The following COP1 variants were observed in gnomAD, a reference collection of about 807,000 sequenced individuals.
COP1 encodes E3 ubiquitin-protein ligase COP1.
COP1 carries 24 observed loss-of-function variants against 101.3 expected under a neutral mutation model. The observed-to-expected ratio is 0.24, with a 90% CI of 0.17 to 0.33. The LOEUF is 0.33. Ranked by LOEUF, COP1 falls within the 10% of genes least tolerant of loss-of-function variation. The pLI is 1.00. For missense variants in COP1, 663 were observed against 906.2 expected, an observed-to-expected ratio of 0.73 and a Z score of 3.45; for synonymous variants, 347 against 341.9, an observed-to-expected ratio of 1.01 and a Z score of -0.17.
intron 15 of COP1, among the ~76,000 whole-genome samples, chr1:175,991,973 A>G (rs1396505979): frequency 6.6e-6 from 1 of 152,236 alleles, no homozygotes; most frequent in Non-Finnish European, 1.5e-5. Flanking sequence ...AGTACAGTCT[A>G]TAATAATGGT....
chr1:175,981,245 G>A (rs1655783484), intron 18 of COP1, among the ~76,000 whole-genome samples: 1 of 152,208 alleles, frequency 6.6e-6, no homozygotes, highest in African/African-American at 2.4e-5. Context: ...TTCACTGGAT[G>A]TAGAATTCAT....
rs1648993894 is a variant in COP1 at position 175,945,142 on chromosome 1, G to C, written c.*11C>G. On this transcript the variant is annotated 3_prime_UTR_variant, in exon 20 of 20. Coordinates refer to ENST00000367669, the MANE Select transcript of COP1 (RefSeq NM_022457.7). ...AGCAGGATCAAGTACAATTTGACTT[G>C]AGTTAACCCTTCATACCAATTCTAG... The C allele has an allele frequency of 1.3e-6, 2 of 1,574,440 alleles. No homozygotes were observed. The highest frequency in any genetic ancestry group is 3.5e-5 in the Admixed American group (2 of 57,460).
intron 1 of COP1, among the ~76,000 whole-genome samples, chr1:176,192,235 C>A (rs1445781460): frequency 2.6e-5 from 4 of 152,110 alleles, no homozygotes; most frequent in African/African-American, 4.8e-5. Flanking sequence ...AAGGCTCCTG[C>A]CCAAACACAG....
intron 1 of COP1, among the ~76,000 whole-genome samples, chr1:176,201,106 T>C (rs1421199552): frequency 6.6e-6 from 1 of 152,122 alleles, no homozygotes; most frequent in Non-Finnish European, 1.5e-5. Context: ...GAGGAAATGC[T>C]CACTGGAGCA....
chr1:175,957,131 T>A (rs2148516519), intron 18 of COP1, among the ~76,000 whole-genome samples: 1 of 151,810 alleles, frequency 6.6e-6, no homozygotes, highest in African/African-American at 2.4e-5. Context: ...GTTAATTTAT[T>A]ATTGAAGAAA....
intron 14 of COP1, among the ~76,000 whole-genome samples, chr1:176,039,068 T>C (rs555818960): frequency 1.3e-5 from 2 of 152,248 alleles, no homozygotes; most frequent in African/African-American, 4.8e-5. Flanking sequence ...CACACCACAT[T>C]CTGGGGCCAT....
chr1:176,164,098 A>G lies in COP1; in HGVS notation c.566-207T>C, dbSNP rs76244594. ...TGCTACTACTACAACTACTATTACT[A>G]TAGGAGAATTCTTCAGAATATGTAT... On this transcript the variant is annotated intron_variant, in intron 3 of 19. Coordinates refer to ENST00000367669, the MANE Select transcript of COP1 (RefSeq NM_022457.7). Among the ~76,000 whole-genome samples, 532 of 152,308 alleles carry G rather than the reference A, an allele frequency of 3.5e-3. 5 individuals carry two copies. Among genetic ancestry groups the G allele is most frequent in the Non-Finnish European group, 5.9e-3 (399 of 68,024 alleles).
At chr1:176,179,733 C>G (rs1697481071) in intron 2 of COP1, among the ~76,000 whole-genome samples, 1 of 151,960 alleles carries the variant, frequency 6.6e-6, no homozygotes, top group Admixed American at 6.6e-5. Flanking sequence ...GACACCCAGT[C>G]TCAAAAACAG....
chr1:176,175,086 A>T (rs1696727536), intron 3 of COP1, among the ~76,000 whole-genome samples: 1 of 152,068 alleles, frequency 6.6e-6, no homozygotes, highest in Non-Finnish European at 1.5e-5. Flanking sequence ...CCAAGTTCTT[A>T]ATTTTTAATT....
At chr1:176,112,952 A>T (rs1572312686) in intron 9 of COP1, among the ~76,000 whole-genome samples, 1 of 152,176 alleles carries the variant, frequency 6.6e-6, no homozygotes, top group East Asian at 1.9e-4. Flanking sequence ...CATTTTCTTT[A>T]TCCTTTCATC....
intron 8 of COP1, among the ~76,000 whole-genome samples, chr1:176,125,866 C>T (rs1414309043): frequency 2.0e-5 from 3 of 151,992 alleles, no homozygotes; most frequent in African/African-American, 7.2e-5. Context: ...CATGGCATAC[C>T]TTTCCAGTTT....
intron 11 of COP1, among the ~76,000 whole-genome samples, chr1:176,072,048 C>A (rs757851210): frequency 6.6e-5 from 10 of 152,096 alleles, no homozygotes; most frequent in Non-Finnish European, 1.5e-4. Flanking sequence ...TCCTTTTTAA[C>A]CTTTATTTTG....
At chr1:176,071,970 G>A (rs538749886) in intron 11 of COP1, among the ~76,000 whole-genome samples, 1 of 152,300 alleles carries the variant, frequency 6.6e-6, no homozygotes, top group African/African-American at 2.4e-5. Flanking sequence ...GAAAATTTTA[G>A]GGTAGAAGTT....
intron 14 of COP1, among the ~76,000 whole-genome samples, chr1:176,031,536 T>TATC (rs1183707414): frequency 6.6e-6 from 1 of 152,082 alleles, no homozygotes; most frequent in Admixed American, 6.6e-5. Flanking sequence ...TAAAAGAAAA[T>TATC]ATCATCTTCT....
At chr1:176,007,682 G>A (rs999792305) in intron 15 of COP1, among the ~76,000 whole-genome samples, 9 of 152,144 alleles carry the variant, frequency 5.9e-5, no homozygotes, top group Admixed American at 5.2e-4. Flanking sequence ...GGACCCACTT[G>A]AGGAGGCAGT....
chr1:176,206,335 C>A (rs1006341354), intron 1 of COP1: 15 of 533,650 alleles, frequency 2.8e-5, no homozygotes, highest in African/African-American at 3.9e-5. Flanking sequence ...TCCTCCTCAG[C>A]AACACTTACC....
chr1:176,185,884 A>T (rs1698384517), intron 1 of COP1, among the ~76,000 whole-genome samples: 1 of 152,196 alleles, frequency 6.6e-6, no homozygotes, highest in Non-Finnish European at 1.5e-5. Flanking sequence ...TGACACTTAA[A>T]ACTGTAACTG....
intron 8 of COP1, among the ~76,000 whole-genome samples, chr1:176,127,373 G>A (rs982666548): frequency 7.9e-5 from 12 of 151,992 alleles, no homozygotes; most frequent in African/African-American, 2.9e-4. Flanking sequence ...TCTAATCTCT[G>A]TTAACCACCA....
chr1:176,191,415 A>C (rs952746706), intron 1 of COP1, among the ~76,000 whole-genome samples: 2 of 152,066 alleles, frequency 1.3e-5, no homozygotes, highest in African/African-American at 4.8e-5. Context: ...CGCCCAGCAA[A>C]AGGGCCATGG....
Sources: gnomAD v4.1 joint callset for allele counts (sites outside exome capture counted in the v4.1 genomes callset) on GRCh38, gnomAD v4.1.1 for gene constraint, MANE v1.5 for transcripts, NCBI Gene and HGNC (gene_info 2026-07-23, HGNC 2026-07-21) for gene names.